Variants in RANBP1 observed in about 807,000 individuals in gnomAD.
The protein encoded by RANBP1 is ran-specific GTPase-activating protein.
RANBP1 carries 16 observed loss-of-function variants against 31.4 expected under a neutral mutation model. The ratio of observed to expected loss-of-function variants is 0.51; its 90% CI spans 0.34 to 0.77. RANBP1 has a LOEUF of 0.77. Ranked by LOEUF, RANBP1 falls within the 30% of genes least tolerant of loss-of-function variation. RANBP1 has a pLI of 0.01. For synonymous variants in RANBP1, 129 were observed against 140.5 expected (o/e 0.92, Z 0.58); for missense variants, 265 against 362.0 (o/e 0.73, Z 2.17).
At chr22:20,126,727 C>A in intron 5 of RANBP1, 1 of 1,462,434 alleles carries the variant, frequency 6.8e-7, no homozygotes, top group Non-Finnish European at 9.2e-7. Flanking sequence ...CACTGAGCAG[C>A]CTGACCATGG....
rs774831071 is a variant in RANBP1 at position 20,127,185 on chromosome 22, A to AT, written c.*135dup. 1.5e-6 allele frequency: 1 copy of AT among 651,484 alleles called. No individual in the cohort carries two copies. The highest frequency in any genetic ancestry group is 2.3e-6 in the Non-Finnish European group (1 of 425,534). The allele number at this position is 651,484 out of a possible 1,614,324, so 40.4% of individuals were successfully genotyped here. A position where few individuals can be genotyped will look rare whatever the true frequency, so the allele number is the denominator to read the frequency against. On this transcript the variant is annotated 3_prime_UTR_variant, in exon 6 of 6. Transcript: ENST00000430524. ...CGTTATATAAAGAACTGAACTCAACATTCAGGTTGTTTTTTTTTTTTGTTT... is the reference window on the plus strand; with the variant it reads ...CGTTATATAAAGAACTGAACTCAACATTTCAGGTTGTTTTTTTTTTTTGTTT...
rs374874705 is a variant in RANBP1, at chr22:20,127,081, C to T, written c.*29C>T. The T allele has an allele frequency of 2.6e-6, 4 of 1,550,046 alleles. No individual in the cohort carries two copies. Among genetic ancestry groups the T allele is most frequent in the African/African-American group, 2.8e-5 (2 of 71,712 alleles). ...GTCTTATTTTATTTTCTTTTCCTCT[C>T]TTTCCTTTCCTTTTTTTAAAAAATT... On this transcript the variant is annotated 3_prime_UTR_variant, in exon 6 of 6. Transcript: ENST00000430524.
chr22:20,116,829 C>CCCCCCA, intron 1 of RANBP1: 4 of 1,512,706 alleles, frequency 2.6e-6, no homozygotes, highest in African/African-American at 1.4e-5. Flanking sequence ...CCTGACCCAC[C>CCCCCCA]CCGCCTCCTC....
chr22:20,122,568 T>G (rs983129936), intron 3 of RANBP1, 147 bp downstream of exon 3: 1 of 1,546,844 alleles, frequency 6.5e-7, no homozygotes, highest in African/African-American at 1.4e-5. Flanking sequence ...AAACCAGAAA[T>G]ACGTTTTTCA....
chr22:20,117,865 A>G (rs1259824554), intron 1 of RANBP1: 7 of 1,012,522 alleles, frequency 6.9e-6, no homozygotes, highest in Non-Finnish European at 8.2e-6. Flanking sequence ...TTGGGGGTGC[A>G]GGCTCTGCAG....
intron 2 of RANBP1, among the ~76,000 whole-genome samples, chr22:20,120,753 C>G (rs1258466862): frequency 6.6e-6 from 1 of 152,184 alleles, no homozygotes; most frequent in Non-Finnish European, 1.5e-5. Context: ...CTCAGATGAC[C>G]CGCCCGCCTC....
At chr22:20,125,521 C>T (rs1466237732) in intron 4 of RANBP1, 85 bp downstream of exon 4, 2 of 1,546,594 alleles carry the variant, frequency 1.3e-6, no homozygotes, top group Admixed American at 2.0e-5. Flanking sequence ...AATGCTGTTG[C>T]CTTTTGGGGA....
chr22:20,126,501 T>A, intron 5 of RANBP1, 133 bp downstream of exon 5: 3 of 1,594,458 alleles, frequency 1.9e-6, no homozygotes, highest in Non-Finnish European at 1.7e-6. Context: ...GTATCCAGAG[T>A]GATGCAGCTC....
At chr22:20,125,121 A>G (rs2050267022) in intron 3 of RANBP1, 187 bp from the exon 4 acceptor site, 1 of 633,194 alleles carries the variant, frequency 1.6e-6, no homozygotes, top group Admixed American at 3.0e-5. Context: ...GAGGATTTTC[A>G]AAGAGGTTTG....
At chr22:20,120,332 CCT>C (rs78632306) in intron 2 of RANBP1, among the ~76,000 whole-genome samples, 1,555 of 152,278 alleles carry the variant, frequency 0.01, 79 homozygotes, top group Admixed American at 0.077. Context: ...TGCCGTAGCC[CCT>C]GTTTGGGAGT....
In RANBP1 at chr22:20,122,336, C is replaced by T. The variant is rs749860021; in HGVS notation, c.456C>T (p.Val152=). 9.3e-6 allele frequency: 15 copies of T among 1,613,040 alleles called. No homozygotes were observed. Among genetic ancestry groups the T allele is most frequent in the South Asian group, 2.2e-5 (2 of 91,084 alleles). The part of the protein sequence containing the change: ...PEWKERGTGD[V]KLLKHKEKGA... ...GGAAGGAGCGAGGCACTGGTGACGT[C>T]AAGCTCCTGAAGCACAAGGAGAAAG... The change falls in exon 3 of 6, where the codon GTC becomes GTT. Residue 152 remains valine, a synonymous_variant. Coordinates refer to ENST00000430524, the MANE Select transcript of RANBP1 (RefSeq NM_001278639.2).
chr22:20,125,665 AGTGCCC>A, intron 4 of RANBP1: 3 of 1,417,006 alleles, frequency 2.1e-6, no homozygotes, highest in South Asian at 1.4e-5. Flanking sequence ...GGTGAACAGC[AGTGCCC>A]GCTCAGCCGC....
chr22:20,126,555 A>T (rs572572633), intron 5 of RANBP1, 187 bp downstream of exon 5: 180 of 1,562,106 alleles, frequency 1.2e-4, no homozygotes, highest in Non-Finnish European at 1.1e-4. Flanking sequence ...AGCACTTGTC[A>T]GTGTTGCTGG....
At chr22:20,117,360 A>G in intron 1 of RANBP1, 2 of 1,215,556 alleles carry the variant, frequency 1.6e-6, no homozygotes, top group Non-Finnish European at 2.1e-6. Flanking sequence ...CCTCTGGCTG[A>G]CGGGCGGGCC....
Position 20,119,939 on chromosome 22 carries a change from C to T in RANBP1, c.383+790C>T, listed in dbSNP as rs186731221. 4.4e-3 allele frequency among the ~76,000 whole-genome samples: 671 copies of T among 152,356 alleles called. 4 individuals are homozygous for T. The highest frequency in any genetic ancestry group is 0.021 in the South Asian group (101 of 4,830). ...GACGCTTTCAGTTAAGAGCTGGCTA[C>T]AGTGGTGGGTACCAGCCTTGTGTCT... is the stretch of plus-strand genomic sequence containing the variant. On this transcript the variant is annotated intron_variant, in intron 2 of 5. Coordinates refer to ENST00000430524, the MANE Select transcript of RANBP1 (RefSeq NM_001278639.2).
intron 2 of RANBP1, among the ~76,000 whole-genome samples, chr22:20,119,848 C>T (rs1164633841): frequency 6.6e-6 from 1 of 152,164 alleles, no homozygotes; most frequent in Non-Finnish European, 1.5e-5. Flanking sequence ...CTTGCGATAA[C>T]ACATGAAAAT....
At position 20,127,185 on chromosome 22, in the gene RANBP1, A is replaced by G. The variant is rs1211345894; in HGVS notation, c.*133A>G. 1.5e-6 allele frequency: 1 copy of G among 651,472 alleles called. No homozygotes were observed. The highest frequency in any genetic ancestry group is 2.3e-6 in the Non-Finnish European group (1 of 425,540). The allele number at this position is 651,472 out of a possible 1,614,324, so 40.4% of individuals were successfully genotyped here. A position where few individuals can be genotyped will look rare whatever the true frequency, so the allele number is the denominator to read the frequency against. ...CGTTATATAAAGAACTGAACTCAAC[A>G]TTCAGGTTGTTTTTTTTTTTTGTTT... On this transcript the variant is annotated 3_prime_UTR_variant, in exon 6 of 6. Transcript: ENST00000430524.
chr22:20,126,253 C>T (rs1218537312), intron 4 of RANBP1, 50 bp from the exon 5 acceptor site: 16 of 1,585,368 alleles, frequency 1.0e-5, no homozygotes, highest in Non-Finnish European at 1.4e-5. Context: ...CAGGGCATGT[C>T]TCTTCCACTG....
chr22:20,118,881 T>C, intron 1 of RANBP1, 132 bp from the exon 2 acceptor site: 1 of 887,100 alleles, frequency 1.1e-6, no homozygotes, highest in East Asian at 2.5e-5. Flanking sequence ...AATTTCTTGC[T>C]TTGGGGTTGG....
Sources: gnomAD v4.1 joint callset for allele counts (sites outside exome capture counted in the v4.1 genomes callset) on GRCh38, gnomAD v4.1.1 for gene constraint, MANE v1.5 for transcripts, NCBI Gene and HGNC (gene_info 2026-07-23, HGNC 2026-07-21) for gene names.